ADGRL2: variants seen among roughly 807,000 people sequenced by gnomAD.
ADGRL2 encodes the protein adhesion G protein-coupled receptor L2.
In ADGRL2, 44 loss-of-function variants were observed where a neutral mutation model predicts 157.4. That is an observed-to-expected ratio of 0.28 (90% CI 0.22 to 0.36). The LOEUF is 0.36. Among genes scored for constraint, ADGRL2 ranks in the 10% least tolerant of loss-of-function variants. ADGRL2 has a pLI of 1.00. For missense variants in ADGRL2, 1,510 were observed against 1,768.9 expected (o/e 0.85, Z 2.63); for synonymous variants, 585 against 624.7 (o/e 0.94, Z 0.95).
At position 81,386,805 on chromosome 1, in the gene ADGRL2, C is replaced by CT. The variant is rs372012793; in HGVS notation, c.-301-58222dup. ...TAAATCTTACATCAACTCTGCTATT[C>CT]TTTTTTTTTCCCAGCTGAAATGTAT... On this transcript the variant is annotated intron_variant, in intron 1 of 24. Transcript: ENST00000370721. Among the ~76,000 whole-genome samples the CT allele has an allele frequency of 1.0e-3, 153 of 151,616 alleles. 1 individual carries two copies. The highest frequency in any genetic ancestry group is 3.5e-3 in the African/African-American group (143 of 41,374).
chr1:81,673,438 G>C (rs2082914549), intron 3 of ADGRL2, among the ~76,000 whole-genome samples: 1 of 150,476 alleles, frequency 6.6e-6, no homozygotes, highest in African/African-American at 2.4e-5. Flanking sequence ...AATATGGTTT[G>C]TGTATATTTG....
chr1:81,950,933 G>T, intron 7 of ADGRL2, 85 bp from the exon 8 acceptor site: 2 of 828,668 alleles, frequency 2.4e-6, no homozygotes, highest in Non-Finnish European at 4.1e-6. Context: ...AATTTAACAC[G>T]CAGAGCAGGA....
intron 1 of ADGRL2, among the ~76,000 whole-genome samples, chr1:81,314,819 A>G (rs1313001409): frequency 2.6e-5 from 4 of 152,146 alleles, no homozygotes; most frequent in African/African-American, 4.8e-5. Flanking sequence ...CAGTTTGCCA[A>G]CTCCTCTGAA....
intron 2 of ADGRL2, among the ~76,000 whole-genome samples, chr1:81,461,937 G>GGT (rs955467973): frequency 6.8e-6 from 1 of 146,766 alleles, no homozygotes; most frequent in African/African-American, 2.5e-5. Flanking sequence ...GAAAGGGGGG[G>GGT]GGGGGTGGTG....
At chr1:81,415,843 C>CA (rs747327216) in intron 1 of ADGRL2, among the ~76,000 whole-genome samples, 1 of 137,860 alleles carries the variant, frequency 7.3e-6, no homozygotes, top group East Asian at 2.1e-4. Context: ...TCTCCTTTTC[C>CA]TTTTTTTTTT....
At chr1:81,513,628 T>C (rs1462175944) in intron 2 of ADGRL2, among the ~76,000 whole-genome samples, 1 of 152,122 alleles carries the variant, frequency 6.6e-6, no homozygotes, top group African/African-American at 2.4e-5. Context: ...CGAGACACAA[T>C]CCCCAGACTG....
chr1:81,556,020 A>G (rs1190995941), intron 2 of ADGRL2, among the ~76,000 whole-genome samples: 3 of 152,038 alleles, frequency 2.0e-5, no homozygotes, highest in Non-Finnish European at 2.9e-5. Context: ...TAAACACCAC[A>G]CAAAATATAA....
chr1:81,754,012 G>A (rs987687006), intron 1 of ADGRL2, among the ~76,000 whole-genome samples: 10 of 152,196 alleles, frequency 6.6e-5, no homozygotes, highest in African/African-American at 2.4e-4. Flanking sequence ...GAAGACAAGG[G>A]GAGTGGGGTC....
chr1:81,386,591 T>C (rs144264080), intron 1 of ADGRL2, among the ~76,000 whole-genome samples: 2 of 152,226 alleles, frequency 1.3e-5, no homozygotes, highest in African/African-American at 4.8e-5. Flanking sequence ...AAAGAATATA[T>C]TACCAAGCTA....
chr1:81,834,396 T>C (rs2150148298), intron 1 of ADGRL2, among the ~76,000 whole-genome samples: 1 of 152,294 alleles, frequency 6.6e-6, no homozygotes, highest in African/African-American at 2.4e-5. Context: ...GAAGGACAAA[T>C]GTTAGCTGTT....
In ADGRL2 at chr1:81,666,857, A is replaced by G. The variant is rs114317513; in HGVS notation, c.-143+85877A>G. On this transcript the variant is annotated intron_variant, in intron 3 of 24. Coordinates refer to the ADGRL2 transcript ENST00000370721. Reference sequence around the variant, plus strand: ...ACAATAACTTATTAAACAGAAGCTAATGCTAGGGATTGGATTTGAACAATT... The same window carrying G: ...ACAATAACTTATTAAACAGAAGCTAGTGCTAGGGATTGGATTTGAACAATT... Among the ~76,000 whole-genome samples the G allele has an allele frequency of 3.8e-3, 579 of 152,310 alleles. 10 individuals carry two copies. Among genetic ancestry groups the G allele is most frequent in the African/African-American group, 0.014 (562 of 41,562 alleles).
intron 1 of ADGRL2, among the ~76,000 whole-genome samples, chr1:81,333,187 G>A (rs1443527306): frequency 6.6e-6 from 1 of 152,074 alleles, no homozygotes; most frequent in Non-Finnish European, 1.5e-5. Context: ...TACACAGAGG[G>A]ACCCAAAGAG....
chr1:81,696,532 C>G (rs1193825326), upstream of ADGRL2, among the ~76,000 whole-genome samples: 2 of 152,002 alleles, frequency 1.3e-5, no homozygotes, highest in African/African-American at 4.8e-5. Flanking sequence ...GCGGGCGGAT[C>G]ACAAGGTCAG....
intron 3 of ADGRL2, among the ~76,000 whole-genome samples, chr1:81,589,834 A>C (rs1327629908): frequency 6.6e-6 from 1 of 152,194 alleles, no homozygotes; most frequent in Non-Finnish European, 1.5e-5. Context: ...CAATGGGAGA[A>C]TTCATCAACC....
chr1:81,867,290 A>C (rs941505811), intron 2 of ADGRL2, among the ~76,000 whole-genome samples: 2 of 152,174 alleles, frequency 1.3e-5, no homozygotes, highest in Non-Finnish European at 2.9e-5. Context: ...GTGCTTTGCT[A>C]TACTGTTGAA....
At chr1:81,374,926 C>A (rs1046569082) in intron 1 of ADGRL2, among the ~76,000 whole-genome samples, 3 of 152,180 alleles carry the variant, frequency 2.0e-5, no homozygotes, top group African/African-American at 7.2e-5. Context: ...TCCTGACTTC[C>A]TGAGTCCAGG....
intron 1 of ADGRL2, among the ~76,000 whole-genome samples, chr1:81,724,982 G>C (rs1446034341): frequency 6.6e-6 from 1 of 151,576 alleles, no homozygotes; most frequent in Non-Finnish European, 1.5e-5. Flanking sequence ...GAGGCAGGTG[G>C]ATCACAAGGT....
At position 81,469,019 on chromosome 1, in the gene ADGRL2, C is replaced by T. The variant is rs949198601; in HGVS notation, c.-248+23930C>T. 2.0e-5 allele frequency among the ~76,000 whole-genome samples: 3 copies of T among 152,194 alleles called. No individual in the cohort carries two copies. The South Asian group carries it at 6.2e-4, about 32-fold the overall frequency. The stretch of plus-strand genomic sequence containing the variant: ...CCCACATCACGAGATGACTTCTGTC[C>T]TTTTTTGACCAATCCACCTAGCACC... On this transcript the variant is annotated intron_variant, in intron 2 of 24. Coordinates refer to the ADGRL2 transcript ENST00000370721.
At chr1:81,920,416 C>T (rs1042935552) in intron 3 of ADGRL2, among the ~76,000 whole-genome samples, 2 of 152,120 alleles carry the variant, frequency 1.3e-5, no homozygotes, top group African/African-American at 4.8e-5. Flanking sequence ...CAGGATCAGG[C>T]ACTGTTTCTC....
Sources: allele counts gnomAD v4.1 joint callset (sites outside exome capture counted in the v4.1 genomes callset), GRCh38; gene constraint gnomAD v4.1.1; transcripts MANE v1.5; gene names NCBI Gene and HGNC (gene_info 2026-07-23, HGNC 2026-07-21).